The following LRP1 variants were observed in gnomAD, a reference collection of about 807,000 sequenced individuals.
The protein encoded by LRP1 is prolow-density lipoprotein receptor-related protein 1.
A neutral mutation model predicts 541.5 loss-of-function variants in LRP1; 51 were observed. The observed-to-expected ratio is 0.09, with a 90% CI of 0.08 to 0.12. LRP1 has a LOEUF of 0.12. LRP1 is among the 10% of genes least tolerant of loss of function. LRP1 has a pLI of 1.00. For synonymous variants in LRP1, 2,219 were observed against 2,470.8 expected, an observed-to-expected ratio of 0.90 and a Z score of 3.02; for missense variants, 3,878 against 6,376.2, an observed-to-expected ratio of 0.61 and a Z score of 13.34.
At chr12:57,193,772 G>A in intron 47 of LRP1, 87 bp downstream of exon 47, 2 of 1,609,902 alleles carry the variant, frequency 1.2e-6, no homozygotes, top group East Asian at 4.5e-5. Flanking sequence ...GGGCCCCGTG[G>A]TGTCTGGTTC....
intron 1 of LRP1, among the ~76,000 whole-genome samples, chr12:57,134,543 C>T (rs1435571095): frequency 6.6e-6 from 1 of 152,152 alleles, no homozygotes; most frequent in African/African-American, 2.4e-5. Context: ...CCTCCGCCTC[C>T]TGCTAATTTT....
chr12:57,160,020 G>A lies in LRP1; in HGVS notation c.1979+15G>A. On this transcript the variant is annotated intron_variant, in intron 12 of 88. Coordinates refer to ENST00000243077, the MANE Select transcript of LRP1 (RefSeq NM_002332.3). ...CCACTCAATGGGTGAGTCCTCCCAG[G>A]CCTTGGGGTGGGAGGAGCTGGGAGT... 2 of 1,612,052 alleles carry A rather than the reference G, an allele frequency of 1.2e-6. No homozygotes were observed. The highest frequency in any genetic ancestry group is 1.3e-5 in the African/African-American group (1 of 75,002).
chr12:57,197,808 C>A lies in LRP1; in HGVS notation c.9282+144C>A. On this transcript the variant is annotated intron_variant, in intron 58 of 88. Coordinates refer to ENST00000243077, the MANE Select transcript of LRP1 (RefSeq NM_002332.3). The surrounding 1 kb of genome is among the most constrained non-coding windows in gnomAD (Gnocchi z 4.5). Reference sequence around the variant, plus strand: ...TATGACTGCTTGTTCTAGCTGCTCACTCTCCTCTGGGCCCAGACAGCAAGG... The same window carrying A: ...TATGACTGCTTGTTCTAGCTGCTCAATCTCCTCTGGGCCCAGACAGCAAGG... The A allele has an allele frequency of 1.0e-6, 1 of 966,132 alleles. No individual in the cohort carries two copies. The highest frequency in any genetic ancestry group is 1.5e-6 in the Non-Finnish European group (1 of 664,488). 59.8% of individuals were successfully genotyped at this position (966,132 alleles called of 1,614,324 possible). A position where few individuals can be genotyped will look rare whatever the true frequency, so the allele number is the denominator to read the frequency against.
chr12:57,159,535 C>T (rs1408478628), intron 11 of LRP1, among the ~76,000 whole-genome samples: 2 of 152,224 alleles, frequency 1.3e-5, no homozygotes, highest in African/African-American at 4.8e-5. Context: ...CATGCAGGCA[C>T]GGGCCAGATG....
intron 13 of LRP1, among the ~76,000 whole-genome samples, chr12:57,161,374 G>A (rs1483873211): frequency 1.3e-5 from 2 of 152,126 alleles, no homozygotes; most frequent in African/African-American, 2.4e-5. Flanking sequence ...CTGTGAAGTT[G>A]ACTGTCCATG....
intron 6 of LRP1, among the ~76,000 whole-genome samples, chr12:57,152,427 C>G (rs2035543481): frequency 6.6e-6 from 1 of 152,220 alleles, no homozygotes; most frequent in Non-Finnish European, 1.5e-5. Context: ...TGTTTGACTT[C>G]CAGCCACCCT....
rs150340911 is a variant in LRP1, at chr12:57,193,932, G to A, written c.7838G>A (p.Arg2613Gln). 2,643 of 1,614,134 alleles carry A rather than the reference G, an allele frequency of 1.6e-3. 16 individuals carry two copies. The highest frequency in any genetic ancestry group is 1.3e-3 in the Non-Finnish European group (1,577 of 1,180,030). Residue 2613 changes from arginine (R) to glutamine (Q), a missense_variant, in exon 48 of 89, where the codon CGG becomes CAG. Coordinates refer to ENST00000243077, the MANE Select transcript of LRP1 (RefSeq NM_002332.3). ...TGTGGTGTGGGCGAGTTCCGCTGCC[G>A]GGACGGGACCTGCATCGGGAACTCC... is the stretch of plus-strand genomic sequence containing the variant. ...TACGVGEFRC[R>Q]DGTCIGNSSR...
At chr12:57,131,681 T>C (rs2035042495) in intron 1 of LRP1, among the ~76,000 whole-genome samples, 1 of 152,212 alleles carries the variant, frequency 6.6e-6, no homozygotes, top group African/African-American at 2.4e-5. Context: ...GAAATTCATT[T>C]TGGGGTTGGA....
At position 57,183,738 on chromosome 12, in the gene LRP1, T is replaced by A; in HGVS notation, c.5795-37T>A. The A allele has an allele frequency of 6.2e-7, 1 of 1,612,266 alleles. No individual in the cohort carries two copies. On this transcript the variant is annotated intron_variant, in intron 35 of 88. Coordinates refer to ENST00000243077, the MANE Select transcript of LRP1 (RefSeq NM_002332.3). The surrounding 1 kb of genome is among the most constrained non-coding windows in gnomAD (Gnocchi z 6.1). Reference sequence around the variant, plus strand: ...TTTGACCCCTCACCTTACCCCTGCCTTATTGGGCATCCCCATGTCACCTCC... The same window carrying A: ...TTTGACCCCTCACCTTACCCCTGCCATATTGGGCATCCCCATGTCACCTCC...
chr12:57,150,487 G>C (rs1353518164), intron 6 of LRP1, among the ~76,000 whole-genome samples: 3 of 152,168 alleles, frequency 2.0e-5, no homozygotes, highest in African/African-American at 7.2e-5. Flanking sequence ...CACTGAGCCT[G>C]GCCTTGAAAA....
At chr12:57,143,263 C>T (rs1036041525) in intron 3 of LRP1, among the ~76,000 whole-genome samples, 5 of 152,170 alleles carry the variant, frequency 3.3e-5, no homozygotes, top group African/African-American at 4.8e-5. Flanking sequence ...GGGACAGACA[C>T]GATTCCATGC....
chr12:57,146,325 T>G (rs1023497401), intron 6 of LRP1, among the ~76,000 whole-genome samples: 9 of 152,202 alleles, frequency 5.9e-5, no homozygotes, highest in Non-Finnish European at 1.0e-4. Flanking sequence ...GGAGATTAAC[T>G]TGATCTGTAA....
rs139451804 is a variant in LRP1 at position 57,165,067 on chromosome 12, G to T, written c.2531-738G>T. 2 of 152,574 alleles carry T rather than the reference G, an allele frequency of 1.3e-5. No homozygotes were observed. The highest frequency in any genetic ancestry group is 4.8e-5 in the African/African-American group (2 of 41,540). 9.5% of individuals were successfully genotyped at this position (152,574 alleles called of 1,614,324 possible). On this transcript the variant is annotated intron_variant, in intron 15 of 88. Transcript: ENST00000243077. This position sits in a 1 kb window ranked among gnomAD's most constrained non-coding sequence, Gnocchi z 4.5. ...AAGGGGAAGAACAGTCCAGGGAACAGCAGTGAGGAGCAAGGAGGACACATA... is the reference window on the plus strand; with the variant it reads ...AAGGGGAAGAACAGTCCAGGGAACATCAGTGAGGAGCAAGGAGGACACATA...
chr12:57,134,291 T>G (rs952992897), intron 1 of LRP1, among the ~76,000 whole-genome samples: 18 of 152,156 alleles, frequency 1.2e-4, no homozygotes, highest in African/African-American at 4.3e-4. Flanking sequence ...CCTGCCTGTC[T>G]TCCCCTTCTT....
Position 57,190,920 on chromosome 12 carries a change from G to A in LRP1, c.7147G>A (p.Ala2383Thr), listed in dbSNP as rs1370600907. 1 of 1,613,522 alleles carries A rather than the reference G, an allele frequency of 6.2e-7. No homozygotes were observed. Among genetic ancestry groups the A allele is most frequent in the South Asian group, 1.1e-5 (1 of 91,078 alleles). The change falls in exon 43 of 89, where the codon GCC (alanine) becomes ACC (threonine). Residue 2383 changes from alanine to threonine, a missense_variant. Transcript: ENST00000243077. ...EKDIRTPNGLAIDHRAEKLYF... is the reference protein window; with the variant it reads ...EKDIRTPNGLTIDHRAEKLYF... ...GGACATCCGTACCCCCAATGGCCTG[G>A]CCATCGACCACCGTGCCGAGAAGCT...
rs1214156202 is a variant in LRP1, at chr12:57,179,403, T to C, written c.4813T>C (p.Tyr1605His). ...GVDLDAPYYNYIISFTVPDID... is the reference protein window; with the variant it reads ...GVDLDAPYYNHIISFTVPDID... Reference sequence around the variant, plus strand: ...GGACCTGGATGCTCCCTACTACAACTACATCATCTCCTTCACGGTGCCCGA... The same window carrying C: ...GGACCTGGATGCTCCCTACTACAACCACATCATCTCCTTCACGGTGCCCGA... Residue 1605 changes from tyrosine (Y) to histidine (H), a missense_variant, in exon 29 of 89, where the codon TAC becomes CAC. Transcript: ENST00000243077. This position sits in a 1 kb window ranked among gnomAD's most constrained non-coding sequence, Gnocchi z 6.8. 3.7e-6 allele frequency: 6 copies of C among 1,614,094 alleles called. No individual in the cohort carries two copies. In the African/African-American group the frequency reaches 5.3e-5, roughly 14 times the overall value.
chr12:57,184,784 T>G lies in LRP1; in HGVS notation c.6187-55T>G. 6.4e-7 allele frequency: 1 copy of G among 1,570,350 alleles called. No homozygotes were observed. The highest frequency in any genetic ancestry group is 8.7e-7 in the Non-Finnish European group (1 of 1,151,600). ...CAGGCACTCCCTGCTGCCCCAGACA[T>G]GGGGCTGGCAGCGAGCTCAGCCCTG... On this transcript the variant is annotated intron_variant, in intron 38 of 88. Coordinates refer to ENST00000243077, the MANE Select transcript of LRP1 (RefSeq NM_002332.3). The surrounding 1 kb of genome is among the most constrained non-coding windows in gnomAD (Gnocchi z 7.8).
intron 76 of LRP1, 115 bp from the exon 77 acceptor site, chr12:57,207,923 C>T: frequency 8.4e-7 from 1 of 1,186,972 alleles, no homozygotes; most frequent in Non-Finnish European, 1.2e-6. Context: ...CTCTTTAAAG[C>T]CAGGGTCCTG....
At chr12:57,195,513 C>T (rs898216734) in intron 52 of LRP1, 114 bp downstream of exon 52, 28 of 1,565,356 alleles carry the variant, frequency 1.8e-5, no homozygotes, top group African/African-American at 8.1e-5. Context: ...CCACTGGGGG[C>T]GGAGCCATAG....
Sources: gnomAD v4.1 joint callset for allele counts (sites outside exome capture counted in the v4.1 genomes callset) on GRCh38, gnomAD v4.1.1 for gene constraint, Gnocchi (gnomAD v3.1) non-coding constraint, MANE v1.5 for transcripts, NCBI Gene and HGNC (gene_info 2026-07-23, HGNC 2026-07-21) for gene names.